Variants in CPA6 observed in about 807,000 individuals in gnomAD.
CPA6 encodes the protein carboxypeptidase A6.
A neutral mutation model predicts 63.3 loss-of-function variants in CPA6; 58 were observed. The observed-to-expected ratio is 0.92, with a 90% CI of 0.74 to 1.14. CPA6 has a LOEUF of 1.14. Ranked by LOEUF, CPA6 falls within the 50% of genes most tolerant of loss-of-function variation. CPA6 has a pLI of 0.00. For missense variants in CPA6, 565 were observed against 526.6 expected (o/e 1.07, Z -0.71); for synonymous variants, 185 against 179.0 (o/e 1.03, Z -0.27).
chr8:67,634,182 T>A (rs1231089069), intron 1 of CPA6, among the ~76,000 whole-genome samples: 1 of 30,766 alleles, frequency 3.3e-5, no homozygotes, highest in Non-Finnish European at 6.4e-5. Flanking sequence ...TGGATTTAAT[T>A]ATTATTATTA....
intron 1 of CPA6, among the ~76,000 whole-genome samples, chr8:67,666,314 A>G (rs1341443568): frequency 6.6e-6 from 1 of 152,232 alleles, no homozygotes; most frequent in Non-Finnish European, 1.5e-5. Context: ...GAATCACAGA[A>G]GTGGGCAGAA....
chr8:67,506,743 C>T (rs1221008205), intron 6 of CPA6, 44 bp downstream of exon 6: 11 of 1,250,262 alleles, frequency 8.8e-6, no homozygotes, highest in Non-Finnish European at 1.3e-5. Context: ...CACAGGGAAG[C>T]ACTGACTAGC....
chr8:67,697,063 G>T (rs1407752606), intron 1 of CPA6, among the ~76,000 whole-genome samples: 1 of 152,184 alleles, frequency 6.6e-6, no homozygotes, highest in African/African-American at 2.4e-5. Flanking sequence ...TTTGCCCTGA[G>T]GAAATAGTCT....
intron 1 of CPA6, among the ~76,000 whole-genome samples, chr8:67,716,597 C>G (rs965690186): frequency 3.3e-5 from 5 of 152,178 alleles, no homozygotes; most frequent in African/African-American, 1.2e-4. Context: ...CAAAGATGAA[C>G]AGAAGAATGG....
chr8:67,670,810 G>A (rs1308464130), intron 1 of CPA6, among the ~76,000 whole-genome samples: 2 of 152,104 alleles, frequency 1.3e-5, no homozygotes, highest in African/African-American at 2.4e-5. Flanking sequence ...CGGGCTGGAA[G>A]GTAATCCAGA....
intron 1 of CPA6, among the ~76,000 whole-genome samples, chr8:67,670,283 G>A (rs1168706749): frequency 6.6e-6 from 1 of 152,188 alleles, no homozygotes; most frequent in Admixed American, 6.5e-5. Flanking sequence ...GGAAGGTGAG[G>A]GGGAAGCAGG....
intron 8 of CPA6, among the ~76,000 whole-genome samples, chr8:67,435,545 C>G (rs995519157): frequency 6.6e-6 from 1 of 152,006 alleles, no homozygotes; most frequent in African/African-American, 2.4e-5. Context: ...GTGCCCCGCC[C>G]TTTGTTTGCA....
At chr8:67,720,327 G>A (rs2129001612) in intron 1 of CPA6, among the ~76,000 whole-genome samples, 1 of 152,280 alleles carries the variant, frequency 6.6e-6, no homozygotes, top group Admixed American at 6.5e-5. Context: ...CACTTCTTTT[G>A]TGATTCTTCA....
intron 2 of CPA6, among the ~76,000 whole-genome samples, chr8:67,597,029 G>GATCACTT (rs1814357215): frequency 1.3e-5 from 2 of 152,010 alleles, no homozygotes; most frequent in South Asian, 4.2e-4. Flanking sequence ...TGGTTTATGT[G>GATCACTT]GTGTCTGATT....
At chr8:67,464,110 A>G (rs1185847857) in intron 8 of CPA6, among the ~76,000 whole-genome samples, 1 of 152,214 alleles carries the variant, frequency 6.6e-6, no homozygotes, top group Non-Finnish European at 1.5e-5. Flanking sequence ...CAGTGGCTGA[A>G]CTAATTTACA....
intron 1 of CPA6, among the ~76,000 whole-genome samples, chr8:67,631,252 T>C (rs529878525): frequency 6.6e-6 from 1 of 152,316 alleles, no homozygotes; most frequent in South Asian, 2.1e-4. Context: ...CAGCACTCTG[T>C]GTCTACCTCT....
intron 8 of CPA6, among the ~76,000 whole-genome samples, chr8:67,464,257 G>A (rs547933060): frequency 2.2e-4 from 34 of 152,236 alleles, no homozygotes; most frequent in Non-Finnish European, 1.8e-4. Context: ...ACATTACTCT[G>A]ATGATTAGTG....
intron 8 of CPA6, among the ~76,000 whole-genome samples, chr8:67,478,482 TG>T (rs1347961030): frequency 6.6e-6 from 1 of 152,148 alleles, no homozygotes; most frequent in Non-Finnish European, 1.5e-5. Flanking sequence ...CATTTGAGGT[TG>T]GGGGCAATCT....
Position 67,515,429 on chromosome 8 carries a change from G to A in CPA6, c.317+2494C>T, listed in dbSNP as rs763682909. On this transcript the variant is annotated intron_variant, in intron 3 of 10. Coordinates refer to ENST00000297770, the MANE Select transcript of CPA6 (RefSeq NM_020361.5). ...AACTCTCTTTTCTCATATTCTTGCC[G>A]CATCAGACATTTGACTCTTTAAAGG... 2.6e-5 allele frequency among the ~76,000 whole-genome samples: 4 copies of A among 151,996 alleles called. No homozygotes were observed. The South Asian group carries it at 6.2e-4, about 24-fold the overall frequency.
intron 2 of CPA6, among the ~76,000 whole-genome samples, chr8:67,601,127 A>G (rs1294234385): frequency 8.5e-5 from 13 of 152,206 alleles, no homozygotes; most frequent in Admixed American, 8.5e-4. Context: ...TGTCTTGATT[A>G]TGCCTTTATA....
intron 1 of CPA6, among the ~76,000 whole-genome samples, chr8:67,632,520 C>G (rs1423213077): frequency 6.6e-6 from 1 of 152,044 alleles, no homozygotes; most frequent in Non-Finnish European, 1.5e-5. Flanking sequence ...GTATGTTGCC[C>G]AGGCTACTCT....
chr8:67,568,433 A>C (rs1422874013), intron 2 of CPA6, among the ~76,000 whole-genome samples: 1 of 152,230 alleles, frequency 6.6e-6, no homozygotes. Flanking sequence ...GAAAATACAC[A>C]AACAACACCA....
chr8:67,581,370 A>C (rs577972237), intron 2 of CPA6, among the ~76,000 whole-genome samples: 150 of 152,346 alleles, frequency 9.8e-4, no homozygotes, highest in Admixed American at 1.6e-3. Context: ...TACAAAGTAC[A>C]TAAAGGCACT....
intron 1 of CPA6, among the ~76,000 whole-genome samples, chr8:67,737,528 C>G (rs1372838761): frequency 6.6e-6 from 1 of 152,118 alleles, no homozygotes; most frequent in Non-Finnish European, 1.5e-5. Context: ...TTAGGTGACC[C>G]TCTCCTGCAC....
Sources: allele counts gnomAD v4.1 joint callset (sites outside exome capture counted in the v4.1 genomes callset), GRCh38; gene constraint gnomAD v4.1.1; transcripts MANE v1.5; gene names NCBI Gene and HGNC (gene_info 2026-07-23, HGNC 2026-07-21).